TFDP2: variants seen among roughly 807,000 people sequenced by gnomAD.
TFDP2 encodes transcription factor Dp-2, also known as transcription factor Dp-2 (E2F dimerization partner 2).
Under a neutral mutation model 59.3 loss-of-function variants are expected in TFDP2, and 17 were observed. The ratio of observed to expected loss-of-function variants is 0.29; its 90% CI spans 0.20 to 0.43. The LOEUF is 0.43. TFDP2 is among the 20% of genes least tolerant of loss of function. The probability of loss-of-function intolerance (pLI) is 1.00; values close to 1 mark genes in which losing one functional copy is unlikely to be tolerated. For synonymous variants in TFDP2, 180 were observed against 194.7 expected (o/e 0.92, Z 0.63); for missense variants, 391 against 528.8 (o/e 0.74, Z 2.56).
intron 6 of TFDP2, among the ~76,000 whole-genome samples, chr3:141,987,266 TG>T (rs398052323): frequency 4.4e-5 from 2 of 45,672 alleles, no homozygotes; most frequent in African/African-American, 3.6e-4. Flanking sequence ...CTGTCAGATT[TG>T]TGTGTGTGTG....
intron 3 of TFDP2, among the ~76,000 whole-genome samples, chr3:142,083,865 A>G (rs2060720898): frequency 6.6e-6 from 1 of 152,242 alleles, no homozygotes; most frequent in Non-Finnish European, 1.5e-5. Flanking sequence ...AAAGTGGACT[A>G]AAGATTTAAA....
At chr3:142,019,048 C>T (rs13069749) in intron 3 of TFDP2, among the ~76,000 whole-genome samples, 130,235 of 147,426 alleles carry the variant, frequency 0.88, 57,761 homozygotes, top group African/African-American at 0.97. Flanking sequence ...TATTATTCTT[C>T]GCACATTTTT....
intron 4 of TFDP2, among the ~76,000 whole-genome samples, chr3:142,003,049 C>T (rs886090777): frequency 9.9e-5 from 15 of 151,736 alleles, no homozygotes; most frequent in Non-Finnish European, 2.1e-4. Flanking sequence ...GTCACCCAGG[C>T]TGGAGTACAG....
chr3:142,106,314 A>G (rs1009651300), intron 1 of TFDP2, among the ~76,000 whole-genome samples: 4 of 152,246 alleles, frequency 2.6e-5, no homozygotes, highest in African/African-American at 9.6e-5. Flanking sequence ...TAAGATAGAC[A>G]TTGTAAAAAC....
intron 3 of TFDP2, among the ~76,000 whole-genome samples, chr3:142,013,770 TA>T (rs1282319562): frequency 7.7e-6 from 1 of 130,220 alleles, no homozygotes; most frequent in Non-Finnish European, 1.9e-5. Context: ...AGACACCACA[TA>T]TTTTTTTTTC....
At chr3:142,084,855 G>C (rs1433754025) in intron 3 of TFDP2, among the ~76,000 whole-genome samples, 1 of 152,050 alleles carries the variant, frequency 6.6e-6, no homozygotes, top group African/African-American at 2.4e-5. Context: ...ATGGCAGGGG[G>C]AGTGAGGGTG....
chr3:142,086,531 G>GAT (rs2060815773), intron 3 of TFDP2, among the ~76,000 whole-genome samples: 1 of 152,164 alleles, frequency 6.6e-6, no homozygotes, highest in Non-Finnish European at 1.5e-5. Flanking sequence ...ATTTTTAAAG[G>GAT]ATATAACAAA....
chr3:142,134,284 G>T (rs1484028240), intron 1 of TFDP2, among the ~76,000 whole-genome samples: 1 of 151,456 alleles, frequency 6.6e-6, no homozygotes, highest in Non-Finnish European at 1.5e-5. Flanking sequence ...GAGAGGCAGA[G>T]GTTGCAGTGG....
chr3:142,086,009 T>C (rs576807616), intron 3 of TFDP2, among the ~76,000 whole-genome samples: 1 of 152,190 alleles, frequency 6.6e-6, no homozygotes, highest in Non-Finnish European at 1.5e-5. Flanking sequence ...GCTTATCATT[T>C]CTTTCCCTTC....
chr3:142,051,992 T>G (rs2862126), intron 3 of TFDP2, among the ~76,000 whole-genome samples: 135,555 of 151,912 alleles, frequency 0.89, 60,711 homozygotes, highest in African/African-American at 0.97. Flanking sequence ...TGGGTGTGGT[T>G]GCACATGTCT....
chr3:142,149,098 A>C (rs997769028), intron 1 of TFDP2, 85 bp downstream of exon 1: 20 of 396,520 alleles, frequency 5.0e-5, no homozygotes, highest in African/African-American at 3.9e-4. Context: ...CCCTGTGCGC[A>C]GGGAGGGAAA....
intron 3 of TFDP2, among the ~76,000 whole-genome samples, chr3:142,032,279 T>C (rs1044903587): frequency 1.3e-5 from 2 of 152,120 alleles, no homozygotes; most frequent in Admixed American, 6.6e-5. Flanking sequence ...AATTTTTGTA[T>C]TTTTTATAGA....
chr3:142,073,563 T>C (rs1049922669), intron 3 of TFDP2, among the ~76,000 whole-genome samples: 2 of 143,562 alleles, frequency 1.4e-5, no homozygotes, highest in Non-Finnish European at 3.0e-5. Flanking sequence ...GAGGAGTGAA[T>C]GAGAGGTGAC....
intron 3 of TFDP2, among the ~76,000 whole-genome samples, chr3:142,032,667 T>C (rs1453204561): frequency 6.6e-6 from 1 of 152,192 alleles, no homozygotes; most frequent in Non-Finnish European, 1.5e-5. Flanking sequence ...CTCATCCTCC[T>C]AGGTTCCTCA....
At chr3:142,124,134 G>A (rs1327920912) in intron 1 of TFDP2, among the ~76,000 whole-genome samples, 1 of 152,102 alleles carries the variant, frequency 6.6e-6, no homozygotes, top group Non-Finnish European at 1.5e-5. Flanking sequence ...GTTCTTGAGT[G>A]ACAAAACGCA....
At chr3:142,068,776 C>G (rs1257286080) in intron 3 of TFDP2, among the ~76,000 whole-genome samples, 1 of 151,978 alleles carries the variant, frequency 6.6e-6, no homozygotes, top group African/African-American at 2.4e-5. Flanking sequence ...CCAGGCTGGT[C>G]TCAAATTCCT....
chr3:142,002,997 C>T (rs1437403012), intron 4 of TFDP2, among the ~76,000 whole-genome samples: 1 of 151,756 alleles, frequency 6.6e-6, no homozygotes, highest in South Asian at 2.1e-4. Context: ...GGGCAAAGAG[C>T]TCCCTTCAAC....
At chr3:141,971,058 A>C (rs951333092) in intron 8 of TFDP2, among the ~76,000 whole-genome samples, 3 of 150,588 alleles carry the variant, frequency 2.0e-5, no homozygotes, top group African/African-American at 7.4e-5. Flanking sequence ...ACCCTGTCTC[A>C]AAAAGAAAAA....
intron 4 of TFDP2, 148 bp from the exon 5 acceptor site, chr3:141,995,289 G>A: frequency 1.9e-6 from 1 of 516,876 alleles, no homozygotes; most frequent in Non-Finnish European, 3.2e-6. Flanking sequence ...TATAAGCAAT[G>A]CCTTTGATTT....
Sources: allele counts gnomAD v4.1 joint callset (sites outside exome capture counted in the v4.1 genomes callset), GRCh38; gene constraint gnomAD v4.1.1; transcripts MANE v1.5; gene names NCBI Gene and HGNC (gene_info 2026-07-23, HGNC 2026-07-21).